Variants in MKKS observed in about 807,000 individuals in gnomAD.
The protein encoded by MKKS is MKKS centrosomal shuttling protein.
A neutral mutation model predicts 33.2 loss-of-function variants in MKKS; 29 were observed. The observed-to-expected ratio is 0.87, with a 90% CI of 0.65 to 1.19. The LOEUF (loss-of-function observed/expected upper bound fraction) is 1.19. Among genes scored for constraint, MKKS ranks in the 50% most tolerant of loss-of-function variants. The pLI is 0.00. For missense variants in MKKS, 661 were observed against 662.3 expected, an observed-to-expected ratio of 1.00 and a Z score of 0.02; for synonymous variants, 260 against 244.0, an observed-to-expected ratio of 1.07 and a Z score of -0.61.
intron 1 of MKKS, among the ~76,000 whole-genome samples, chr20:10,429,952 G>A (rs972977030): frequency 6.6e-6 from 1 of 152,148 alleles, no homozygotes; most frequent in Non-Finnish European, 1.5e-5. Flanking sequence ...TAATTCTGAA[G>A]CTAAAGTTTG....
chr20:10,430,117 G>A (rs188380490), intron 1 of MKKS, among the ~76,000 whole-genome samples: 3 of 152,334 alleles, frequency 2.0e-5, no homozygotes, highest in Admixed American at 2.0e-4. Context: ...TGACTAGAGT[G>A]AAATCTAAAT....
At chr20:10,407,172 C>T (rs1159076986) in intron 5 of MKKS, among the ~76,000 whole-genome samples, 1 of 152,100 alleles carries the variant, frequency 6.6e-6, no homozygotes, top group Non-Finnish European at 1.5e-5. Flanking sequence ...TCTTGATGCT[C>T]TAGAAGATAC....
chr20:10,405,806 T>A (rs2064839522), intron 5 of MKKS, 119 bp from the exon 6 acceptor site: 3 of 1,062,110 alleles, frequency 2.8e-6, no homozygotes, highest in Admixed American at 2.1e-5. Flanking sequence ...TTTCATTTAA[T>A]TTGGGGTCTG....
rs180730023 is a variant in MKKS at position 10,428,067 on chromosome 20, A to G, written c.-649+6041T>C. The stretch of plus-strand genomic sequence containing the variant: ...AAATAAAAAATATACTGAAAGCATC[A>G]TAAGTCTTATATGGGGGTTTCACTA... On this transcript the variant is annotated intron_variant, in intron 1 of 5. Transcript: ENST00000347364. Among the ~76,000 whole-genome samples, 6 of 152,364 alleles carry G rather than the reference A, an allele frequency of 3.9e-5. No individual in the cohort carries two copies. In the East Asian group the frequency reaches 1.2e-3, roughly 29 times the overall value.
intron 1 of MKKS, among the ~76,000 whole-genome samples, chr20:10,433,106 C>G (rs549813313): frequency 1.3e-5 from 2 of 152,230 alleles, no homozygotes; most frequent in Non-Finnish European, 2.9e-5. Flanking sequence ...AGGGCTCAAG[C>G]GATTCTCCTG....
rs16991547 is a variant in MKKS at position 10,413,398 on chromosome 20, G to A, written c.117C>T (p.Pro39=). 0.13 allele frequency: 215,765 copies of A among 1,612,488 alleles called. 17,481 individuals are homozygous for A. The highest frequency in any genetic ancestry group is 0.33 in the African/African-American group (24,978 of 74,908). Residue 39 remains proline, a synonymous_variant, in exon 3 of 6, where the codon CCC becomes CCT. Coordinates refer to ENST00000347364, the MANE Select transcript of MKKS (RefSeq NM_170784.3). ...LKRIVTSCYG[P]SGRLKQLHNG... is the part of the protein sequence containing the mutation. ...TGTGCAGCTGCTTCAGCCTACCTGA[G>A]GGGCCATAGCATGATGTTACAATTC...
intron 1 of MKKS, among the ~76,000 whole-genome samples, chr20:10,422,889 T>C (rs1284529449): frequency 3.3e-5 from 5 of 151,892 alleles, no homozygotes; most frequent in Non-Finnish European, 7.4e-5. Flanking sequence ...TTTTTTGTAT[T>C]TTTAGTAGAG....
intron 1 of MKKS, among the ~76,000 whole-genome samples, chr20:10,422,427 G>T (rs1044988211): frequency 6.6e-6 from 1 of 152,090 alleles, no homozygotes; most frequent in African/African-American, 2.4e-5. Flanking sequence ...ATTTCATTGT[G>T]AAGTCCAAAG....
intron 2 of MKKS, 84 bp from the exon 3 acceptor site, chr20:10,414,015 C>T (rs1357168501): frequency 1.0e-5 from 4 of 390,986 alleles, no homozygotes; most frequent in South Asian, 2.9e-4. Flanking sequence ...TTCTAATGCT[C>T]TGCTGCCTTT....
At position 10,413,014 on chromosome 20, in the gene MKKS, G is replaced by A; in HGVS notation, c.501C>T (p.Thr167=). 1 of 1,613,980 alleles carries A rather than the reference G, an allele frequency of 6.2e-7. No individual in the cohort carries two copies. Among genetic ancestry groups the A allele is most frequent in the Non-Finnish European group, 8.5e-7 (1 of 1,180,032 alleles). Reference sequence around the variant, plus strand: ...CACTGACATGCTCTGTTTCCTTTCTGGTGAGCATACAGGCAGGTTTACTTG... The same window carrying A: ...CACTGACATGCTCTGTTTCCTTTCTAGTGAGCATACAGGCAGGTTTACTTG... ...ILTSKPACML[T]RKETEHVSAL... is the part of the protein sequence containing the mutation. The change falls in exon 3 of 6, where the codon ACC becomes ACT. Residue 167 remains threonine (T), a synonymous_variant. Coordinates refer to ENST00000347364, the MANE Select transcript of MKKS (RefSeq NM_170784.3).
chr20:10,409,299 A>T (rs572471431), intron 3 of MKKS, among the ~76,000 whole-genome samples: 5 of 152,352 alleles, frequency 3.3e-5, no homozygotes, highest in African/African-American at 4.8e-5. Context: ...GTGAATATGT[A>T]AGAATTATTT....
chr20:10,422,770 G>A (rs1241916152), intron 1 of MKKS, among the ~76,000 whole-genome samples: 1 of 150,222 alleles, frequency 6.7e-6, no homozygotes, highest in African/African-American at 2.5e-5. Context: ...GTAGTGCAGT[G>A]GTGCGATCTC....
chr20:10,432,930 A>C (rs2065064505), intron 1 of MKKS, among the ~76,000 whole-genome samples: 1 of 152,178 alleles, frequency 6.6e-6, no homozygotes, highest in Admixed American at 6.5e-5. Context: ...GTTACACTGC[A>C]GTGTTTAGGG....
At position 10,413,113 on chromosome 20, in the gene MKKS, C is replaced by A. The variant is rs2064906674; in HGVS notation, c.402G>T (p.Glu134Asp). 6.2e-7 allele frequency: 1 copy of A among 1,613,928 alleles called. No homozygotes were observed. The highest frequency in any genetic ancestry group is 1.7e-5 in the Admixed American group (1 of 60,010). ...CCACTGGGATTCGACAACCACAGGT[C>A]TCAGACTTGAGATAACTGATGCAAA... ...LSLCISYLKS[E>D]TCGCRIPVDF... Residue 134 changes from glutamate to aspartate, a missense_variant, in exon 3 of 6, where the codon GAG (glutamate) becomes GAT (aspartate). By Grantham distance (45) the Glu-to-Asp change is conservative. Transcript: ENST00000347364.
At chr20:10,430,897 C>T (rs2065049716) in intron 1 of MKKS, among the ~76,000 whole-genome samples, 1 of 152,218 alleles carries the variant, frequency 6.6e-6, no homozygotes, top group South Asian at 2.1e-4. Context: ...TTCAGACACG[C>T]TGTTGGTCTG....
chr20:10,421,709 G>A (rs1455234178), intron 1 of MKKS, among the ~76,000 whole-genome samples: 2 of 151,906 alleles, frequency 1.3e-5, no homozygotes, highest in Non-Finnish European at 2.9e-5. Flanking sequence ...CAGGGTTATC[G>A]ACCTAGTTTA....
At chr20:10,432,155 G>C (rs1039796963) in intron 1 of MKKS, among the ~76,000 whole-genome samples, 1 of 152,224 alleles carries the variant, frequency 6.6e-6, no homozygotes, top group Non-Finnish European at 1.5e-5. Context: ...GATCAATCAA[G>C]GGGTATAAAA....
intron 1 of MKKS, among the ~76,000 whole-genome samples, 165 bp downstream of exon 1, chr20:10,433,943 C>T (rs1028606281): frequency 2.6e-5 from 4 of 152,324 alleles, no homozygotes; most frequent in African/African-American, 7.2e-5. Flanking sequence ...CGGTCTTTCG[C>T]CTCCTACAGA....
rs2089196721 is a variant in MKKS at position 10,401,056 on chromosome 20, G to T, written c.*4191C>A. The T allele has an allele frequency of 6.6e-6, 1 of 152,094 alleles. No individual in the cohort carries two copies. Among genetic ancestry groups the T allele is most frequent in the African/African-American group, 2.4e-5 (1 of 41,430 alleles). 9.4% of individuals were successfully genotyped at this position (152,094 alleles called of 1,614,324 possible). A position where few individuals can be genotyped will look rare whatever the true frequency, so the allele number is the denominator to read the frequency against. On this transcript the variant is annotated 3_prime_UTR_variant, in exon 6 of 6. Coordinates refer to ENST00000347364, the MANE Select transcript of MKKS (RefSeq NM_170784.3). ...TTTATTATAAGTATTTTCTCAAAGAGAATTTTTAATAGGAGATTGTCAAGC... is the reference window on the plus strand; with the variant it reads ...TTTATTATAAGTATTTTCTCAAAGATAATTTTTAATAGGAGATTGTCAAGC...
Sources: gnomAD v4.1 joint callset for allele counts (sites outside exome capture counted in the v4.1 genomes callset) on GRCh38, gnomAD v4.1.1 for gene constraint, MANE v1.5 for transcripts, NCBI Gene and HGNC (gene_info 2026-07-23, HGNC 2026-07-21) for gene names.